Variants in PCDH15 observed in about 807,000 individuals in gnomAD.
PCDH15 encodes protocadherin-15.
A neutral mutation model predicts 178.5 loss-of-function variants in PCDH15; 129 were observed. The observed-to-expected ratio is 0.72, with a 90% CI of 0.63 to 0.84. The LOEUF (loss-of-function observed/expected upper bound fraction) is 0.84, where lower values mean the gene tolerates loss of function less well. Among genes scored for constraint, PCDH15 ranks in the 40% least tolerant of loss-of-function variants. The probability of loss-of-function intolerance (pLI) is 0.00; values close to 1 mark genes in which losing one functional copy is unlikely to be tolerated. For synonymous variants in PCDH15, 800 were observed against 732.0 expected (o/e 1.09, Z -1.50); for missense variants, 2,230 against 2,099.9 (o/e 1.06, Z -1.21).
At chr10:55,195,494 A>G (rs868300189) in intron 1 of PCDH15, among the ~76,000 whole-genome samples, 1,642 of 149,952 alleles carry the variant, frequency 0.011, 17 homozygotes, top group Middle Eastern at 0.028. Context: ...TACAAAAAAA[A>G]AAAAAAAAAA....
chr10:55,280,269 CTTTTTTTTT>C (rs1007536850), intron 1 of PCDH15, among the ~76,000 whole-genome samples: 2 of 65,990 alleles, frequency 3.0e-5, no homozygotes, highest in East Asian at 8.3e-4. Flanking sequence ...TATTTTGATT[CTTTTTTTTT>C]TTTTTTTTTT....
intron 2 of PCDH15, among the ~76,000 whole-genome samples, chr10:55,479,663 C>A (rs574377582): frequency 2.6e-5 from 4 of 151,632 alleles, no homozygotes; most frequent in Non-Finnish European, 4.4e-5. Flanking sequence ...ATGTCATAGC[C>A]TGAGCAATTA....
intron 2 of PCDH15, among the ~76,000 whole-genome samples, chr10:54,914,601 A>T (rs1366493000): frequency 6.6e-6 from 1 of 152,144 alleles, no homozygotes; most frequent in African/African-American, 2.4e-5. Flanking sequence ...CTTGCGCCTT[A>T]GTTTTCCACT....
intron 8 of PCDH15, among the ~76,000 whole-genome samples, chr10:54,286,933 T>C (rs1223707279): frequency 6.6e-6 from 1 of 152,192 alleles, no homozygotes; most frequent in Admixed American, 6.5e-5. Context: ...ATATTTTAAA[T>C]GTTAATGTCT....
rs780083430 is a variant in PCDH15, at chr10:53,806,726, C to CAACTGTGA, written c.5075_5076insTCACAGTT (p.Lys1693HisfsTer3). ...TGGACTCCTGTTCAACTGTGCTTTTCAGCCTGTTCCTTAGTGGCTTCACCG... is the reference window on the plus strand; with the variant it reads ...TGGACTCCTGTTCAACTGTGCTTTTCAACTGTGAAGCCTGTTCCTTAGTGGCTTCACCG... On this transcript the variant is annotated frameshift_variant, in exon 38 of 38. Transcript: ENST00000644397. LOFTEE classifies it high-confidence loss of function. The CAACTGTGA allele has an allele frequency of 1.9e-6, 3 of 1,613,852 alleles. No homozygotes were observed. The highest frequency in any genetic ancestry group is 2.5e-6 in the Non-Finnish European group (3 of 1,179,814).
intron 2 of PCDH15, among the ~76,000 whole-genome samples, chr10:55,049,773 A>G (rs528604113): frequency 3.3e-5 from 5 of 152,030 alleles, no homozygotes; most frequent in Non-Finnish European, 7.4e-5. Context: ...AATATTGAAT[A>G]AAGAAAATAT....
At chr10:54,710,008 GTA>G (rs2095412579) in intron 1 of PCDH15, among the ~76,000 whole-genome samples, 1 of 150,268 alleles carries the variant, frequency 6.7e-6, no homozygotes, top group Admixed American at 6.7e-5. Context: ...TAATAAATAT[GTA>G]TATATTACAT....
chr10:54,916,245 C>G (rs539854281), intron 2 of PCDH15, among the ~76,000 whole-genome samples: 2 of 152,328 alleles, frequency 1.3e-5, no homozygotes, highest in South Asian at 2.1e-4. Flanking sequence ...CAGGCATGAG[C>G]CATCACACCT....
chr10:54,819,594 T>G (rs548132261), intron 3 of PCDH15, among the ~76,000 whole-genome samples: 1 of 152,152 alleles, frequency 6.6e-6, no homozygotes, highest in Non-Finnish European at 1.5e-5. Context: ...TGAATAAAGA[T>G]TCTTTAAAAT....
intron 2 of PCDH15, among the ~76,000 whole-genome samples, chr10:54,572,110 C>G (rs368592186): frequency 6.6e-6 from 1 of 151,966 alleles, no homozygotes; most frequent in Non-Finnish European, 1.5e-5. Context: ...GACGAAATAC[C>G]GTGTTTGTCA....
intron 10 of PCDH15, among the ~76,000 whole-genome samples, chr10:54,201,015 C>A (rs1178008115): frequency 6.6e-6 from 1 of 152,114 alleles, no homozygotes; most frequent in South Asian, 2.1e-4. Context: ...TAAATACCTG[C>A]AACAATGAAA....
chr10:54,388,121 G>C (rs115479355), intron 3 of PCDH15, among the ~76,000 whole-genome samples: 3 of 152,134 alleles, frequency 2.0e-5, no homozygotes, highest in African/African-American at 7.2e-5. Flanking sequence ...GTTTACATCT[G>C]TTCCTCTTGC....
chr10:55,582,614 A>ATTTTT (rs1433568928), intron 2 of PCDH15, among the ~76,000 whole-genome samples: 2 of 88,678 alleles, frequency 2.3e-5, no homozygotes, highest in Non-Finnish European at 2.0e-5. Context: ...ATATATATAT[A>ATTTTT]TATATATATA....
At chr10:54,677,249 C>A (rs1468139399) in intron 1 of PCDH15, among the ~76,000 whole-genome samples, 1 of 152,034 alleles carries the variant, frequency 6.6e-6, no homozygotes, top group Admixed American at 6.6e-5. Context: ...AGTAAGGGCA[C>A]ACACCTGAAG....
chr10:55,566,265 A>AT, intron 2 of PCDH15, among the ~76,000 whole-genome samples: 1 of 151,756 alleles, frequency 6.6e-6, no homozygotes, highest in Middle Eastern at 3.4e-3. Context: ...CCCTTTCGTG[A>AT]TTTAAAAAAA....
intron 2 of PCDH15, among the ~76,000 whole-genome samples, chr10:55,406,769 G>A (rs1309779355): frequency 6.6e-6 from 1 of 151,886 alleles, no homozygotes; most frequent in Admixed American, 6.6e-5. Context: ...GCCTTGAAAT[G>A]CATGAGACTG....
At chr10:54,405,398 C>T (rs1205868443) in intron 3 of PCDH15, among the ~76,000 whole-genome samples, 3 of 151,938 alleles carry the variant, frequency 2.0e-5, no homozygotes, top group South Asian at 4.1e-4. Flanking sequence ...ATGGATAGAG[C>T]TGGAGGTAGT....
chr10:54,516,177 T>C (rs2137972102), intron 3 of PCDH15, among the ~76,000 whole-genome samples: 1 of 152,288 alleles, frequency 6.6e-6, no homozygotes, highest in East Asian at 1.9e-4. Context: ...AGAAGAAGGC[T>C]TCAGATGATC....
At chr10:54,966,386 G>C (rs1027831413) in intron 2 of PCDH15, among the ~76,000 whole-genome samples, 1 of 151,998 alleles carries the variant, frequency 6.6e-6, no homozygotes, top group African/African-American at 2.4e-5. Context: ...GTATGGTTAG[G>C]TGATTTGTTC....
Sources: allele counts gnomAD v4.1 joint callset (sites outside exome capture counted in the v4.1 genomes callset), GRCh38; gene constraint gnomAD v4.1.1; transcripts MANE v1.5; gene names NCBI Gene and HGNC (gene_info 2026-07-23, HGNC 2026-07-21).